NTRK1: variants seen among roughly 807,000 people sequenced by gnomAD.
NTRK1 encodes neurotrophic receptor tyrosine kinase 1.
Under a neutral mutation model 86.8 loss-of-function variants are expected in NTRK1, and 62 were observed. That is an observed-to-expected ratio of 0.71 (90% CI 0.58 to 0.88). The LOEUF (loss-of-function observed/expected upper bound fraction) is 0.88, where lower values mean the gene tolerates loss of function less well. Ranked by LOEUF, NTRK1 falls within the 40% of genes least tolerant of loss-of-function variation. The pLI, the probability that NTRK1 is intolerant of heterozygous loss-of-function variation, is 0.00. For missense variants in NTRK1, 967 were observed against 1,078.4 expected, an observed-to-expected ratio of 0.90 and a Z score of 1.45; for synonymous variants, 469 against 456.6, an observed-to-expected ratio of 1.03 and a Z score of -0.35.
At chr1:156,816,034 C>CTGCG in intron 1 of NTRK1, 1 of 1,614,080 alleles carries the variant, frequency 6.2e-7, no homozygotes, top group Admixed American at 1.7e-5. Flanking sequence ...CTGGCAGCTC[C>CTGCG]TGCGGGTCAT....
At chr1:156,857,826 C>T (rs1655463930), upstream of NTRK1, among the ~76,000 whole-genome samples, 2 of 152,198 alleles carry the variant, frequency 1.3e-5, no homozygotes, top group South Asian at 4.1e-4. Context: ...CCTCCTAATC[C>T]TTCCCTTTTT....
chr1:156,816,508 A>G (rs1279318806), intron 1 of NTRK1, among the ~76,000 whole-genome samples: 1 of 152,206 alleles, frequency 6.6e-6, no homozygotes, highest in African/African-American at 2.4e-5. Context: ...ATGAGTGGGC[A>G]TGGAGCCCCA....
intron 9 of NTRK1, 39 bp downstream of exon 9, chr1:156,874,439 T>C (rs1382582142): frequency 1.2e-6 from 2 of 1,613,932 alleles, no homozygotes; most frequent in South Asian, 2.2e-5. Flanking sequence ...CTGCCTGGTC[T>C]CTGGAGCTGA....
At chr1:156,842,763 G>A (rs1654846074) in intron 2 of NTRK1, among the ~76,000 whole-genome samples, 1 of 152,172 alleles carries the variant, frequency 6.6e-6, no homozygotes, top group South Asian at 2.1e-4. Flanking sequence ...ATAATGATCT[G>A]GACACCCAAT....
rs1234078510 is a variant in NTRK1, at chr1:156,864,712, C to T, written c.288-16C>T. ...AGCTGAGACCTGGGGACTGATCCTCCTGCACCCCTCCCCAGCACCATCGTG... is the reference window on the plus strand; with the variant it reads ...AGCTGAGACCTGGGGACTGATCCTCTTGCACCCCTCCCCAGCACCATCGTG... On this transcript the variant is annotated splice_polypyrimidine_tract_variant and intron_variant, in intron 2 of 16. Transcript: ENST00000524377. 2.5e-6 allele frequency: 4 copies of T among 1,613,562 alleles called. No individual in the cohort carries two copies. Among genetic ancestry groups the T allele is most frequent in the Non-Finnish European group, 3.4e-6 (4 of 1,179,766 alleles).
chr1:156,833,214 G>A (rs1446239187), intron 1 of NTRK1, among the ~76,000 whole-genome samples: 1 of 152,240 alleles, frequency 6.6e-6, no homozygotes, highest in Non-Finnish European at 1.5e-5. Flanking sequence ...TTCCTCATCT[G>A]TAAAATGTCA....
intron 1 of NTRK1, chr1:156,841,298 C>A: frequency 3.6e-6 from 4 of 1,099,016 alleles, no homozygotes; most frequent in Non-Finnish European, 5.3e-6. Flanking sequence ...CAGTGGATGT[C>A]AAAGCATCAG....
intron 1 of NTRK1, chr1:156,841,644 TGTGCTCC>T: frequency 6.2e-7 from 1 of 1,612,546 alleles, no homozygotes; most frequent in Non-Finnish European, 8.5e-7. Flanking sequence ...CCTGGAGCCC[TGTGCTCC>T]AGCTCGGCCC....
chr1:156,874,306 G>A (rs1647759380), intron 8 of NTRK1, 77 bp from the exon 9 acceptor site: 4 of 1,600,384 alleles, frequency 2.5e-6, no homozygotes, highest in East Asian at 2.2e-5. Flanking sequence ...GTAGGCAGGG[G>A]ACTCACTGCT....
intron 2 of NTRK1, among the ~76,000 whole-genome samples, chr1:156,850,580 C>T (rs1384323231): frequency 9.0e-6 from 1 of 111,730 alleles, no homozygotes; most frequent in Non-Finnish European, 1.7e-5. Flanking sequence ...TGGAGTCCCT[C>T]TCTGTAACTC....
chr1:156,816,017 C>T (rs375140058), intron 1 of NTRK1: 3 of 1,613,818 alleles, frequency 1.9e-6, no homozygotes, highest in African/African-American at 2.7e-5. Flanking sequence ...GCAGTGTAGC[C>T]CAGGTTCTGG....
chr1:156,854,263 A>G lies in NTRK1; in HGVS notation c.51-10091A>G. 1 of 1,613,536 alleles carries G rather than the reference A, an allele frequency of 6.2e-7. No homozygotes were observed. The highest frequency in any genetic ancestry group is 8.5e-7 in the Non-Finnish European group (1 of 1,179,932). On this transcript the variant is annotated intron_variant, in intron 2 of 16. Transcript: ENST00000392302. This position sits in a 1 kb window ranked among gnomAD's most constrained non-coding sequence, Gnocchi z 4.2. ...CCACGCTGCAGTTCTCCAGCTGACGAAGCTCTGCCACCTCTGAGCGAATAT... is the reference window on the plus strand; with the variant it reads ...CCACGCTGCAGTTCTCCAGCTGACGGAGCTCTGCCACCTCTGAGCGAATAT...
chr1:156,816,748 T>A lies in NTRK1; in HGVS notation c.-64+910T>A, dbSNP rs151136243. On this transcript the variant is annotated intron_variant, in intron 1 of 16. Transcript: ENST00000392302. ...AAGGGATCCCAGAGCAGGGTGTGTG[T>A]ATGTGTTCCGGAAAGGTGTGCACAC... 10,616 of 1,558,774 alleles carry A rather than the reference T, an allele frequency of 6.8e-3. 60 individuals carry two copies. Among genetic ancestry groups the A allele is most frequent in the South Asian group, 0.015 (1,221 of 82,714 alleles).
At chr1:156,852,070 G>T in intron 2 of NTRK1, 1 of 1,613,668 alleles carries the variant, frequency 6.2e-7, no homozygotes, top group Admixed American at 1.7e-5. Flanking sequence ...CACCCTGGAA[G>T]TAGAGGTGGC....
chr1:156,876,598 GC>G (rs749586161), intron 14 of NTRK1, 26 bp downstream of exon 14: 14 of 1,598,944 alleles, frequency 8.8e-6, no homozygotes, highest in Middle Eastern at 1.8e-4. Flanking sequence ...CTCAGCGCTG[GC>G]CCCGGCCCCT....
intron 1 of NTRK1, among the ~76,000 whole-genome samples, 155 bp downstream of exon 1, chr1:156,861,301 G>T (rs1473249384): frequency 6.8e-6 from 1 of 147,676 alleles, no homozygotes; most frequent in Admixed American, 6.6e-5. Context: ...GCGTTCCTCC[G>T]CAGCCGCCGC....
chr1:156,856,810 C>T (rs1054497478), upstream of NTRK1, among the ~76,000 whole-genome samples: 2 of 152,158 alleles, frequency 1.3e-5, no homozygotes, highest in Non-Finnish European at 2.9e-5. Context: ...TCCTTGGGGA[C>T]CTGGGTGTGT....
At chr1:156,849,034 G>C (rs149673909) in intron 2 of NTRK1, 2 of 1,613,378 alleles carry the variant, frequency 1.2e-6, no homozygotes, top group Non-Finnish European at 1.7e-6. Flanking sequence ...CGAAGCGCAG[G>C]GTGCGAGTCT....
At chr1:156,875,762 C>A in intron 12 of NTRK1, 96 bp downstream of exon 12, 1 of 1,502,822 alleles carries the variant, frequency 6.7e-7, no homozygotes, top group Non-Finnish European at 9.0e-7. Flanking sequence ...TGAACGATCC[C>A]TCCCTTTCTC....
Sources: allele counts gnomAD v4.1 joint callset (sites outside exome capture counted in the v4.1 genomes callset), GRCh38; gene constraint gnomAD v4.1.1; non-coding constraint Gnocchi (gnomAD v3.1); transcripts MANE v1.5; gene names NCBI Gene and HGNC (gene_info 2026-07-23, HGNC 2026-07-21).